The following TTLL11 variants were observed in gnomAD, a reference collection of about 807,000 sequenced individuals.
TTLL11 encodes the protein tubulin polyglutamylase TTLL11.
A neutral mutation model predicts 51.7 loss-of-function variants in TTLL11; 42 were observed. The observed-to-expected ratio is 0.81, with a 90% confidence interval of 0.64 to 1.05. The LOEUF (loss-of-function observed/expected upper bound fraction) is 1.05, where lower values mean the gene tolerates loss of function less well. TTLL11 is among the 50% of genes least tolerant of loss of function. TTLL11 has a pLI of 0.00. For missense variants in TTLL11, 799 were observed against 940.4 expected, an observed-to-expected ratio of 0.85 and a Z score of 1.97; for synonymous variants, 381 against 383.5, an observed-to-expected ratio of 0.99 and a Z score of 0.08.
At chr9:121,848,412 A>C (rs1192405562) in intron 8 of TTLL11, among the ~76,000 whole-genome samples, 1 of 152,176 alleles carries the variant, frequency 6.6e-6, no homozygotes, top group Non-Finnish European at 1.5e-5. Context: ...CTAATGCAGT[A>C]AGACAAGAAA....
chr9:121,929,642 G>A (rs532727577), intron 6 of TTLL11, among the ~76,000 whole-genome samples: 3 of 152,332 alleles, frequency 2.0e-5, no homozygotes, highest in Non-Finnish European at 2.9e-5. Flanking sequence ...TGCTCACTCT[G>A]TGCAGGGGTC....
At chr9:122,022,458 A>G (rs981333449) in intron 3 of TTLL11, among the ~76,000 whole-genome samples, 8 of 152,098 alleles carry the variant, frequency 5.3e-5, no homozygotes, top group Non-Finnish European at 8.8e-5. Context: ...GAAACAATAT[A>G]AGCAAGAAGA....
chr9:121,875,933 T>A (rs1838545101), intron 6 of TTLL11, among the ~76,000 whole-genome samples: 1 of 152,236 alleles, frequency 6.6e-6, no homozygotes, highest in South Asian at 2.1e-4. Context: ...AAACCACCTA[T>A]CTCTATTTTG....
intron 6 of TTLL11, among the ~76,000 whole-genome samples, chr9:121,880,178 G>A (rs1158054670): frequency 1.3e-5 from 2 of 152,104 alleles, no homozygotes; most frequent in Admixed American, 1.3e-4. Context: ...TTCCGTAGAT[G>A]AATTGGCTGG....
Position 121,817,720 on chromosome 9 carries a change from A to C in TTLL11, c.*4867T>G, listed in dbSNP as rs984038864. 6.6e-6 allele frequency: 1 copy of C among 152,256 alleles called. No individual in the cohort carries two copies. The highest frequency in any genetic ancestry group is 1.5e-5 in the Non-Finnish European group (1 of 68,066). The allele number at this position is 152,256 out of a possible 1,614,324, so 9.4% of individuals were successfully genotyped here. A position where few individuals can be genotyped will look rare whatever the true frequency, so the allele number is the denominator to read the frequency against. ...CTGAGGCACCGTGCAGAACCGAGGAAGTGCCGAGGAAGGAGTGTGGGATCT... is the reference window on the plus strand; with the variant it reads ...CTGAGGCACCGTGCAGAACCGAGGACGTGCCGAGGAAGGAGTGTGGGATCT... On this transcript the variant is annotated 3_prime_UTR_variant, in exon 9 of 9. Coordinates refer to ENST00000321582, the MANE Select transcript of TTLL11 (RefSeq NM_001139442.2).
At chr9:121,874,240 C>T (rs1329256305) in intron 6 of TTLL11, among the ~76,000 whole-genome samples, 2 of 152,204 alleles carry the variant, frequency 1.3e-5, no homozygotes, top group Non-Finnish European at 2.9e-5. Context: ...AGCGATCCTC[C>T]TGCCTTGGCC....
intron 8 of TTLL11, among the ~76,000 whole-genome samples, chr9:121,844,334 G>A (rs1336948178): frequency 6.6e-6 from 1 of 152,010 alleles, no homozygotes; most frequent in East Asian, 1.9e-4. Flanking sequence ...GGAGGAAACC[G>A]AAGCTTCTGG....
chr9:122,034,167 TG>T (rs1242107967), intron 2 of TTLL11, among the ~76,000 whole-genome samples: 2 of 152,252 alleles, frequency 1.3e-5, no homozygotes, highest in East Asian at 3.8e-4. Flanking sequence ...AAAGTCGTTG[TG>T]CCGGGGGAAT....
intron 6 of TTLL11, among the ~76,000 whole-genome samples, chr9:121,874,850 G>A (rs148511054): frequency 9.9e-5 from 15 of 151,074 alleles, no homozygotes; most frequent in Non-Finnish European, 1.8e-4. Flanking sequence ...TCCGCCTCCC[G>A]GGTTCAAGCG....
intron 6 of TTLL11, among the ~76,000 whole-genome samples, chr9:121,874,257 C>T (rs1175746965): frequency 6.6e-6 from 1 of 152,166 alleles, no homozygotes; most frequent in Non-Finnish European, 1.5e-5. Context: ...GGCCAGCCTC[C>T]CAATATCTTG....
At chr9:121,866,386 G>C (rs1838175043) in intron 7 of TTLL11, among the ~76,000 whole-genome samples, 1 of 152,162 alleles carries the variant, frequency 6.6e-6, no homozygotes, top group African/African-American at 2.4e-5. Flanking sequence ...CCGGCCGGGT[G>C]CAGTGGTTCA....
intron 1 of TTLL11, among the ~76,000 whole-genome samples, chr9:122,057,754 C>A (rs1246607178): frequency 6.6e-6 from 1 of 152,216 alleles, no homozygotes; most frequent in Admixed American, 6.5e-5. Flanking sequence ...TATTTATAAA[C>A]ACACCTCTCC....
At chr9:122,010,548 A>T (rs1437949672) in intron 3 of TTLL11, among the ~76,000 whole-genome samples, 2 of 152,246 alleles carry the variant, frequency 1.3e-5, no homozygotes, top group African/African-American at 4.8e-5. Context: ...TACAAAGCTG[A>T]AAAGAGTTAC....
chr9:121,904,454 C>T (rs1180798953), intron 6 of TTLL11, among the ~76,000 whole-genome samples: 5 of 152,238 alleles, frequency 3.3e-5, no homozygotes, highest in Admixed American at 1.3e-4. Context: ...GGATTACAGG[C>T]GTGAGCCACC....
At chr9:122,080,049 A>C (rs2131915831) in intron 1 of TTLL11, among the ~76,000 whole-genome samples, 1 of 152,332 alleles carries the variant, frequency 6.6e-6, no homozygotes, top group East Asian at 1.9e-4. Flanking sequence ...TATTAAAAAG[A>C]GTGAGTTTAC....
At chr9:122,011,873 C>A (rs1170390622) in intron 3 of TTLL11, among the ~76,000 whole-genome samples, 3 of 152,110 alleles carry the variant, frequency 2.0e-5, no homozygotes, top group Admixed American at 6.6e-5. Flanking sequence ...CCAAACATAT[C>A]CTTTTATCTT....
At chr9:122,069,899 A>G (rs777687618) in intron 1 of TTLL11, among the ~76,000 whole-genome samples, 4 of 151,816 alleles carry the variant, frequency 2.6e-5, no homozygotes, top group Non-Finnish European at 5.9e-5. Context: ...CCTGCTCATC[A>G]TGGCACCGCT....
At chr9:122,014,515 T>C (rs965181438) in intron 3 of TTLL11, among the ~76,000 whole-genome samples, 37 of 152,236 alleles carry the variant, frequency 2.4e-4, no homozygotes, top group Non-Finnish European at 4.3e-4. Flanking sequence ...CTGGTTTCCA[T>C]AGTGCCTGTG....
intron 1 of TTLL11, among the ~76,000 whole-genome samples, chr9:122,085,963 A>T (rs185379293): frequency 1.4e-3 from 214 of 152,344 alleles, no homozygotes; most frequent in South Asian, 3.9e-3. Context: ...AAGGCACTTA[A>T]ACAGTGGTCG....
Sources: allele counts gnomAD v4.1 joint callset (sites outside exome capture counted in the v4.1 genomes callset), GRCh38; gene constraint gnomAD v4.1.1; transcripts MANE v1.5; gene names NCBI Gene and HGNC (gene_info 2026-07-23, HGNC 2026-07-21).